The following RRP1B variants were observed in gnomAD, a reference collection of about 807,000 sequenced individuals.
RRP1B encodes the protein ribosomal RNA processing protein 1 homolog B.
In RRP1B, 56 loss-of-function variants were observed where a neutral mutation model predicts 80.2. The ratio of observed to expected loss-of-function variants is 0.70; its 90% CI spans 0.56 to 0.87. The LOEUF (loss-of-function observed/expected upper bound fraction) is 0.87. RRP1B is among the 40% of genes least tolerant of loss of function. The probability of loss-of-function intolerance (pLI) is 0.00; values close to 1 mark genes in which losing one functional copy is unlikely to be tolerated. For synonymous variants in RRP1B, 351 were observed against 357.6 expected (o/e 0.98, Z 0.21); for missense variants, 807 against 939.8 (o/e 0.86, Z 1.85).
rs541399178 is a variant in RRP1B, at chr21:43,665,670, C to A, written c.131-4214C>A. Among the ~76,000 whole-genome samples the A allele has an allele frequency of 1.2e-4, 19 of 152,196 alleles. No homozygotes were observed. The East Asian group carries it at 3.5e-3, about 28-fold the overall frequency. On this transcript the variant is annotated intron_variant, in intron 1 of 15. Transcript: ENST00000340648. ...CCAGCGGAACCCTTGGTGCCATTCTCAGGATTAAATGAGCGCGCACTCCTA... is the reference window on the plus strand; with the variant it reads ...CCAGCGGAACCCTTGGTGCCATTCTAAGGATTAAATGAGCGCGCACTCCTA...
intron 4 of RRP1B, 37 bp from the exon 5 acceptor site, chr21:43,674,599 T>TTC: frequency 7.4e-7 from 1 of 1,346,654 alleles, no homozygotes; most frequent in Non-Finnish European, 1.0e-6. Flanking sequence ...TTTTTTTTTT[T>TTC]TTTTTTTTTT....
rs780837342 is a variant in RRP1B, at chr21:43,673,985, TC to T, written c.357+32del. 2.0e-6 allele frequency: 3 copies of T among 1,496,240 alleles called. No homozygotes were observed. In the South Asian group the frequency reaches 3.5e-5, roughly 17 times the overall value. 92.7% of individuals were successfully genotyped at this position (1,496,240 alleles called of 1,614,324 possible). A position where few individuals can be genotyped will look rare whatever the true frequency, so the allele number is the denominator to read the frequency against. On this transcript the variant is annotated intron_variant, in intron 4 of 15. Transcript: ENST00000340648. ...GATCTGCCGCAGTTACTTCAAAAAC[TC>T]CTGGGAAGAAAAGAATGTCCTTTAT...
chr21:43,676,661 C>G, intron 7 of RRP1B, 72 bp from the exon 8 acceptor site: 1 of 1,382,054 alleles, frequency 7.2e-7, no homozygotes, highest in South Asian at 1.3e-5. Flanking sequence ...GGGCTTCCCT[C>G]TGTGCCCCTG....
At chr21:43,686,292 GTTT>G (rs2083062829) in intron 11 of RRP1B, 1 of 160,306 alleles carries the variant, frequency 6.2e-6, no homozygotes, top group Admixed American at 6.0e-5. Flanking sequence ...TTTTGGTTTG[GTTT>G]TTATTATTTT....
rs756855494 is a variant in RRP1B at position 43,687,851 on chromosome 21, C to T, written c.1477C>T (p.Pro493Ser). 2.2e-5 allele frequency: 35 copies of T among 1,613,196 alleles called. 1 individual carries two copies. In the South Asian group the frequency reaches 3.3e-4, roughly 15 times the overall value. ...HREMLESAVL[P>S]PEDMSQSGPS... Reference sequence around the variant, plus strand: ...GGAAATGTTGGAATCAGCAGTGTTGCCCCCAGAGGACATGTCTCAGAGTGG... The same window carrying T: ...GGAAATGTTGGAATCAGCAGTGTTGTCCCCAGAGGACATGTCTCAGAGTGG... Residue 493 changes from proline to serine, a missense_variant, in exon 13 of 16, where the codon CCC becomes TCC. Physicochemically the swap from Pro to Ser is moderately conservative, Grantham distance 74. Coordinates refer to ENST00000340648, the MANE Select transcript of RRP1B (RefSeq NM_015056.3).
chr21:43,674,709 A>G lies in RRP1B; in HGVS notation c.419+12A>G, dbSNP rs775463979. 9 of 1,601,614 alleles carry G rather than the reference A, an allele frequency of 5.6e-6. No homozygotes were observed. The highest frequency in any genetic ancestry group is 6.8e-6 in the Non-Finnish European group (8 of 1,175,112). Reference sequence around the variant, plus strand: ...GGCTGGGAAGAAAGGTCAGTAAACCATTTGAGTTAGCATGTGGTAGCCTTA... The same window carrying G: ...GGCTGGGAAGAAAGGTCAGTAAACCGTTTGAGTTAGCATGTGGTAGCCTTA... On this transcript the variant is annotated intron_variant, in intron 5 of 15. Coordinates refer to ENST00000340648, the MANE Select transcript of RRP1B (RefSeq NM_015056.3).
At chr21:43,667,011 A>G (rs1191687376) in intron 1 of RRP1B, among the ~76,000 whole-genome samples, 1 of 149,718 alleles carries the variant, frequency 6.7e-6, no homozygotes, top group Non-Finnish European at 1.5e-5. Flanking sequence ...ATAAACTAAT[A>G]TTAATAGTTA....
intron 11 of RRP1B, 48 bp downstream of exon 11, chr21:43,685,837 G>A (rs773679258): frequency 6.3e-7 from 1 of 1,575,444 alleles, no homozygotes; most frequent in African/African-American, 1.4e-5. Context: ...CGTGAATATG[G>A]ACCCCACTGG....
chr21:43,660,698 C>T (rs1163267647), intron 1 of RRP1B, among the ~76,000 whole-genome samples: 1 of 152,164 alleles, frequency 6.6e-6, no homozygotes, highest in African/African-American at 2.4e-5. Context: ...GAGAAATGAG[C>T]GGAAACCGCC....
chr21:43,673,747 C>T (rs2083009589), intron 3 of RRP1B, 123 bp from the exon 4 acceptor site: 12 of 594,222 alleles, frequency 2.0e-5, no homozygotes, highest in Non-Finnish European at 3.6e-5. Flanking sequence ...TTCTAGCTGC[C>T]CAAGAATTAC....
At position 43,694,324 on chromosome 21, in the gene RRP1B, G is replaced by A. The variant is rs17004605; in HGVS notation, c.*941G>A. ...GGCTCAGCGACCTTTCCTCTCAAAT[G>A]CGGAAGCGTGCACTTACAGTTCAGA... On this transcript the variant is annotated 3_prime_UTR_variant, in exon 16 of 16. Transcript: ENST00000340648. 2,979 of 152,392 alleles carry A rather than the reference G, an allele frequency of 0.02. 44 individuals are homozygous for A. Among genetic ancestry groups the A allele is most frequent in the Middle Eastern group, 0.078 (23 of 296 alleles). The allele number at this position is 152,392 out of a possible 1,614,324, so 9.4% of individuals were successfully genotyped here.
At position 43,659,745 on chromosome 21, in the gene RRP1B, G is replaced by A. The variant is rs766724850; in HGVS notation, c.81G>A (p.Ala27=). 15 of 1,530,058 alleles carry A rather than the reference G, an allele frequency of 9.8e-6. No individual in the cohort carries two copies. The highest frequency in any genetic ancestry group is 2.8e-5 in the African/African-American group (2 of 70,980). The allele number at this position is 1,530,058 out of a possible 1,614,324, so 94.8% of individuals were successfully genotyped here. ...ASSEKGIRDR[A]VKKLRQYISV... ...GCGAGAAGGGCATCCGGGACCGAGC[G>A]GTGAAGAAGCTGCGCCAGTACATCA... Residue 27 remains alanine (A), a synonymous_variant, in exon 1 of 16, where the codon GCG becomes GCA. Coordinates refer to ENST00000340648, the MANE Select transcript of RRP1B (RefSeq NM_015056.3). The surrounding 1 kb of genome is among the most constrained non-coding windows in gnomAD (Gnocchi z 4.2).
intron 2 of RRP1B, among the ~76,000 whole-genome samples, chr21:43,671,972 C>T (rs1011520261): frequency 1.3e-5 from 2 of 152,204 alleles, no homozygotes; most frequent in African/African-American, 4.8e-5. Context: ...CAGGCATGAG[C>T]CACTGCACGT....
At chr21:43,680,000 G>A (rs2083037109) in intron 8 of RRP1B, among the ~76,000 whole-genome samples, 1 of 152,150 alleles carries the variant, frequency 6.6e-6, no homozygotes, top group African/African-American at 2.4e-5. Context: ...CTTGGTCGTT[G>A]TTGGTGTATA....
rs2082940769 is a variant in RRP1B, at chr21:43,659,809, G to A, written c.130+15G>A. On this transcript the variant is annotated intron_variant, in intron 1 of 15. Coordinates refer to ENST00000340648, the MANE Select transcript of RRP1B (RefSeq NM_015056.3). This position sits in a 1 kb window ranked among gnomAD's most constrained non-coding sequence, Gnocchi z 4.2. ...GAGGGAGACAGGTGGGCGCACGGCC[G>A]CGGTCAGCCGCGCCACATGGCGGGC... 4.0e-6 allele frequency: 6 copies of A among 1,490,506 alleles called. No homozygotes were observed. The East Asian group carries it at 1.7e-4, about 42-fold the overall frequency. 92.3% of individuals were successfully genotyped at this position (1,490,506 alleles called of 1,614,324 possible).
At chr21:43,690,056 G>A (rs115409595) in intron 13 of RRP1B, among the ~76,000 whole-genome samples, 2,526 of 152,396 alleles carry the variant, frequency 0.017, 33 homozygotes, top group African/African-American at 0.035. Flanking sequence ...TTACTCTGAC[G>A]AGGCGTTTTC....
chr21:43,676,589 GCAGTT>G, intron 7 of RRP1B, 139 bp from the exon 8 acceptor site: 1 of 774,810 alleles, frequency 1.3e-6, no homozygotes, highest in Non-Finnish European at 2.0e-6. Context: ...TGGCACTTAG[GCAGTT>G]CCTCTCAGAT....
chr21:43,674,972 C>T lies in RRP1B; in HGVS notation c.420-62C>T. The stretch of plus-strand genomic sequence containing the variant: ...TTCTAGACGGAGTATTTTTGTTTCT[C>T]TTTGGGAAGTGGGACGTGTTGGCAT... On this transcript the variant is annotated intron_variant, in intron 5 of 15. Transcript: ENST00000340648. 5.6e-6 allele frequency: 9 copies of T among 1,592,988 alleles called. No homozygotes were observed. The Admixed American group carries it at 7.0e-5, about 12-fold the overall frequency.
intron 1 of RRP1B, among the ~76,000 whole-genome samples, chr21:43,666,386 G>C (rs1255417486): frequency 1.3e-5 from 2 of 152,186 alleles, no homozygotes; most frequent in Admixed American, 6.6e-5. Context: ...ACCAGCAGTT[G>C]AGCTCCTGCA....
Sources: allele counts gnomAD v4.1 joint callset (sites outside exome capture counted in the v4.1 genomes callset), GRCh38; gene constraint gnomAD v4.1.1; non-coding constraint Gnocchi (gnomAD v3.1); transcripts MANE v1.5; gene names NCBI Gene and HGNC (gene_info 2026-07-23, HGNC 2026-07-21).